MCRS1: variants seen among roughly 807,000 people sequenced by gnomAD.
The protein encoded by MCRS1 is microspherule protein 1, also known as 58 kDa microspherule protein.
Under a neutral mutation model 62.9 loss-of-function variants are expected in MCRS1, and 22 were observed. The observed-to-expected ratio is 0.35, with a 90% CI of 0.25 to 0.50. The LOEUF (loss-of-function observed/expected upper bound fraction) is 0.50. Among genes scored for constraint, MCRS1 ranks in the 20% least tolerant of loss-of-function variants. The probability of loss-of-function intolerance (pLI) is 0.98; values close to 1 mark genes in which losing one functional copy is unlikely to be tolerated. For synonymous variants in MCRS1, 244 were observed against 233.5 expected (o/e 1.04, Z -0.41); for missense variants, 456 against 601.1 (o/e 0.76, Z 2.52).
Position 49,566,833 on chromosome 12 carries a change from G to A in MCRS1, c.-102C>T, listed in dbSNP as rs757086411. ...CTGACCAGGTGAGCTTAAAGGCTGA[G>A]AGGAGATTCTGCAAAGGAGAAATGA... On this transcript the variant is annotated 5_prime_UTR_variant, in exon 2 of 15. Coordinates refer to ENST00000343810, the MANE Select transcript of MCRS1 (RefSeq NM_006337.5). 59 of 1,480,936 alleles carry A rather than the reference G, an allele frequency of 4.0e-5. No homozygotes were observed. The highest frequency in any genetic ancestry group is 5.3e-5 in the Non-Finnish European group (57 of 1,081,510). 91.7% of individuals were successfully genotyped at this position (1,480,936 alleles called of 1,614,324 possible). A position where few individuals can be genotyped will look rare whatever the true frequency, so the allele number is the denominator to read the frequency against.
Position 49,566,819 on chromosome 12 carries a change from A to C in MCRS1, c.-88T>G. The C allele has an allele frequency of 6.5e-7, 1 of 1,543,746 alleles. No individual in the cohort carries two copies. The highest frequency in any genetic ancestry group is 1.2e-5 in the South Asian group (1 of 86,316). ...CTCATCCAAGGATTCTGACCAGGTG[A>C]GCTTAAAGGCTGAGAGGAGATTCTG... On this transcript the variant is annotated 5_prime_UTR_variant, in exon 2 of 15. Transcript: ENST00000343810.
intron 2 of MCRS1, 135 bp from the exon 3 acceptor site, chr12:49,566,350 G>A (rs1939060202): frequency 1.3e-6 from 2 of 1,567,732 alleles, no homozygotes; most frequent in Non-Finnish European, 8.7e-7. Context: ...AGGTTTTAAG[G>A]TAGAGTTCCT....
chr12:49,562,756 G>A (rs865870016), intron 8 of MCRS1, among the ~76,000 whole-genome samples: 72 of 152,260 alleles, frequency 4.7e-4, no homozygotes, highest in African/African-American at 1.6e-3. Context: ...AGATAACTCC[G>A]CTATTTGGAC....
Position 49,558,514 on chromosome 12 carries a change from C to T in MCRS1, c.*129G>A. ...CCAGCCCTATCCTCCCTCAAAGGCT[C>T]AAATCAATGGCCCGCAGCTGAGCCT... On this transcript the variant is annotated 3_prime_UTR_variant, in exon 15 of 15. Coordinates refer to ENST00000343810, the MANE Select transcript of MCRS1 (RefSeq NM_006337.5). 1 of 937,376 alleles carries T rather than the reference C, an allele frequency of 1.1e-6. No homozygotes were observed. The allele number at this position is 937,376 out of a possible 1,614,324, so 58.1% of individuals were successfully genotyped here.
chr12:49,558,578 C>T lies in MCRS1; in HGVS notation c.*65G>A. The T allele has an allele frequency of 6.5e-7, 1 of 1,548,836 alleles. No homozygotes were observed. On this transcript the variant is annotated 3_prime_UTR_variant, in exon 15 of 15. Transcript: ENST00000343810. Reference sequence around the variant, plus strand: ...TTTTTCCAGGAGCCTGAGTTCCCAGCTCAAGGGGGCTGGAGTGGCAGGGGA... The same window carrying T: ...TTTTTCCAGGAGCCTGAGTTCCCAGTTCAAGGGGGCTGGAGTGGCAGGGGA...
At chr12:49,565,220 C>T (rs1451602328) in intron 4 of MCRS1, 1 of 985,392 alleles carries the variant, frequency 1.0e-6, no homozygotes, top group South Asian at 4.7e-5. Context: ...AGCAATGCCA[C>T]CTGGGGGTTA....
In MCRS1 at chr12:49,558,919, C is replaced by T. The variant is rs114091395; in HGVS notation, c.1226G>A (p.Arg409Gln). Reference sequence around the variant, plus strand: ...CCGTCCATCGATGTAGATGGGCCGTCGACCCTCATTGGCAATGAAGAAATC... The same window carrying T: ...CCGTCCATCGATGTAGATGGGCCGTTGACCCTCATTGGCAATGAAGAAATC... Reference protein sequence around the residue: ...NGDFFIANEGRRPIYIDGRPV... With the variant: ...NGDFFIANEGQRPIYIDGRPV... Residue 409 changes from arginine to glutamine, a missense_variant, in exon 14 of 15, where the codon CGA (arginine) becomes CAA (glutamine). By Grantham distance (43) the Arg-to-Gln change is conservative. Transcript: ENST00000343810. 9 of 1,612,810 alleles carry T rather than the reference C, an allele frequency of 5.6e-6. No homozygotes were observed. Among genetic ancestry groups the T allele is most frequent in the African/African-American group, 4.0e-5 (3 of 75,000 alleles).
Position 49,566,221 on chromosome 12 carries a change from A to G in MCRS1, c.11-6T>C, listed in dbSNP as rs1445812722. ...ATCTAGCAGCCCCTGAGAATCTAGC[A>G]AGAGAGAAATGGTGGATTCGGGCCT... On this transcript the variant is annotated splice_region_variant and splice_polypyrimidine_tract_variant and intron_variant, in intron 2 of 14. Transcript: ENST00000343810. 2 of 1,610,860 alleles carry G rather than the reference A, an allele frequency of 1.2e-6. No homozygotes were observed. The highest frequency in any genetic ancestry group is 1.7e-6 in the Non-Finnish European group (2 of 1,178,380).
At chr12:49,562,949 C>T (rs982911626) in intron 8 of MCRS1, 52 bp downstream of exon 8, 10 of 1,551,432 alleles carry the variant, frequency 6.4e-6, no homozygotes, top group Middle Eastern at 2.3e-4. Context: ...TTCAGACACA[C>T]ACACACATGC....
intron 8 of MCRS1, among the ~76,000 whole-genome samples, chr12:49,562,482 G>A (rs1372950716): frequency 6.6e-6 from 1 of 152,164 alleles, no homozygotes; most frequent in Non-Finnish European, 1.5e-5. Context: ...ATTTATGAAT[G>A]GCCTGAGGGC....
intron 1 of MCRS1, 82 bp from the exon 2 acceptor site, chr12:49,566,923 A>G: frequency 1.4e-6 from 1 of 696,388 alleles, no homozygotes; most frequent in Non-Finnish European, 2.4e-6. Context: ...CAGGTCCCCC[A>G]GGGTCCCATA....
intron 14 of MCRS1, 54 bp from the exon 15 acceptor site, chr12:49,558,783 GTGTAC>G: frequency 6.2e-7 from 1 of 1,613,578 alleles, no homozygotes; most frequent in Non-Finnish European, 8.5e-7. Context: ...GACCAAGTTG[GTGTAC>G]TGGCTCACCA....
chr12:49,562,941 C>T, intron 8 of MCRS1, 60 bp downstream of exon 8: 1 of 1,532,312 alleles, frequency 6.5e-7, no homozygotes, highest in Non-Finnish European at 8.8e-7. Context: ...TCGAGTACTT[C>T]AGACACACAC....
In MCRS1 at chr12:49,566,137, C is replaced by T; in HGVS notation, c.89G>A (p.Gly30Glu). 1 of 1,614,248 alleles carries T rather than the reference C, an allele frequency of 6.2e-7. No homozygotes were observed. Among genetic ancestry groups the T allele is most frequent in the South Asian group, 1.1e-5 (1 of 91,092 alleles). The part of the protein sequence containing the change: ...SRSEDEESLA[G>E]QKRASSQALG... Reference sequence around the variant, plus strand: ...GGCCTGGGAGGAGGCTCGCTTCTGCCCTGCCAGTGACTCCTCATCCTCTGA... The same window carrying T: ...GGCCTGGGAGGAGGCTCGCTTCTGCTCTGCCAGTGACTCCTCATCCTCTGA... The change falls in exon 3 of 15, where the codon GGG (glycine) becomes GAG (glutamate). Residue 30 changes from glycine (G) to glutamate (E), a missense_variant. Physicochemically the swap from Gly to Glu is moderately conservative, Grantham distance 98 (BLOSUM62 -2). This residue lies in a region of MCRS1 where 55 missense variants were observed against 49.3 expected (regional missense o/e 1.12). Transcript: ENST00000343810.
Position 49,559,732 on chromosome 12 carries a change from T to C in MCRS1, c.1000A>G (p.Thr334Ala). Residue 334 changes from threonine to alanine, a missense_variant, in exon 11 of 15, where the codon ACA (threonine) becomes GCA (alanine). This residue lies in a region of MCRS1 where 393 missense variants were observed against 523.5 expected (regional missense o/e 0.75). Coordinates refer to ENST00000343810, the MANE Select transcript of MCRS1 (RefSeq NM_006337.5). This position sits in a 1 kb window ranked among gnomAD's most constrained non-coding sequence, Gnocchi z 5.2. ...TCTGGTGCCCAGGCCTCCTCACCTG[T>C]GATGCTGTCCACTAGCACCTGCCAC... ...HKWQVLVDSI[T>A]GMSSPDFDNQ... 6.2e-7 allele frequency: 1 copy of C among 1,614,162 alleles called. No individual in the cohort carries two copies. The highest frequency in any genetic ancestry group is 8.5e-7 in the Non-Finnish European group (1 of 1,180,016).
Position 49,559,106 on chromosome 12 carries a change from G to T in MCRS1, c.1174+108C>A. The T allele has an allele frequency of 6.6e-7, 1 of 1,518,846 alleles. No homozygotes were observed. The highest frequency in any genetic ancestry group is 9.1e-7 in the Non-Finnish European group (1 of 1,104,838). 94.1% of individuals were successfully genotyped at this position (1,518,846 alleles called of 1,614,324 possible). A position where few individuals can be genotyped will look rare whatever the true frequency, so the allele number is the denominator to read the frequency against. ...CACCAAGGAATCCCTGCCTCAGGTG[G>T]TCCACGAGGGTCCCCATGGACACCA... On this transcript the variant is annotated intron_variant, in intron 13 of 14. Transcript: ENST00000343810. This position sits in a 1 kb window ranked among gnomAD's most constrained non-coding sequence, Gnocchi z 5.2.
rs1049203087 is a variant in MCRS1, at chr12:49,565,551, G to A, written c.266C>T (p.Pro89Leu). The A allele has an allele frequency of 6.2e-7, 1 of 1,603,748 alleles. No individual in the cohort carries two copies. The highest frequency in any genetic ancestry group is 8.5e-7 in the Non-Finnish European group (1 of 1,174,944). Residue 89 changes from proline (P) to leucine (L), a missense_variant, in exon 4 of 15, where the codon CCC (proline) becomes CTC (leucine). By Grantham distance (98) the Pro-to-Leu change is moderately conservative. Transcript: ENST00000343810. Reference protein sequence around the residue: ...VEPGRCSGSEPSSSEKKKVSK... With the variant: ...VEPGRCSGSELSSSEKKKVSK... ...CACCTTCTTCTTCTCACTGGAGGAG[G>A]GTTCACTCCCCGAACAGCGCCCTGG...
chr12:49,559,657 GGCA>G lies in MCRS1; in HGVS notation c.1003+69_1003+71del. ...TGGGAAACGAGGGTCTCCCCAGCCA[GGCA>G]GCAACAGGGGCACAGGCTGGGGCGA... On this transcript the variant is annotated intron_variant, in intron 11 of 14. Coordinates refer to ENST00000343810, the MANE Select transcript of MCRS1 (RefSeq NM_006337.5). The surrounding 1 kb of genome is among the most constrained non-coding windows in gnomAD (Gnocchi z 5.2). 3 of 1,597,062 alleles carry G rather than the reference GGCA, an allele frequency of 1.9e-6. No individual in the cohort carries two copies.
At position 49,558,329 on chromosome 12, in the gene MCRS1, A is replaced by G. The variant is rs1938560395; in HGVS notation, c.*314T>C. ...TGGAACCTGGTGCTTTTTATTTACAAAAGAAAAACAATAAAAGAAGAGTCT... is the reference window on the plus strand; with the variant it reads ...TGGAACCTGGTGCTTTTTATTTACAGAAGAAAAACAATAAAAGAAGAGTCT... On this transcript the variant is annotated 3_prime_UTR_variant, in exon 15 of 15. Transcript: ENST00000343810. The G allele has an allele frequency of 2.5e-6, 1 of 405,424 alleles. No homozygotes were observed. Among genetic ancestry groups the G allele is most frequent in the Non-Finnish European group, 4.3e-6 (1 of 230,742 alleles). The allele number at this position is 405,424 out of a possible 1,614,324, so 25.1% of individuals were successfully genotyped here.
Sources: allele counts gnomAD v4.1 joint callset (sites outside exome capture counted in the v4.1 genomes callset), GRCh38; gene constraint gnomAD v4.1.1; regional missense constraint gnomAD v4.1.1; non-coding constraint Gnocchi (gnomAD v3.1); transcripts MANE v1.5; gene names NCBI Gene and HGNC (gene_info 2026-07-23, HGNC 2026-07-21).